Variants in MAPKBP1 observed in about 807,000 individuals in gnomAD.
The protein encoded by MAPKBP1 is mitogen-activated protein kinase-binding protein 1.
In MAPKBP1, 71 loss-of-function variants were observed where a neutral mutation model predicts 170.5. The ratio of observed to expected loss-of-function variants is 0.42; its 90% CI spans 0.34 to 0.51. The LOEUF (loss-of-function observed/expected upper bound fraction) is 0.51, where lower values mean the gene tolerates loss of function less well. Among genes scored for constraint, MAPKBP1 ranks in the 20% least tolerant of loss-of-function variants. The probability of loss-of-function intolerance (pLI) is 0.06; values close to 1 mark genes in which losing one functional copy is unlikely to be tolerated. For missense variants in MAPKBP1, 1,598 were observed against 1,933.0 expected (o/e 0.83, Z 3.25); for synonymous variants, 719 against 757.9 (o/e 0.95, Z 0.84).
intron 2 of MAPKBP1, among the ~76,000 whole-genome samples, chr15:41,795,370 A>G (rs568792666): frequency 9.9e-5 from 15 of 152,106 alleles, no homozygotes; most frequent in Middle Eastern, 3.4e-3. Context: ...TGAGGCTACA[A>G]TTGGCTTAAG....
chr15:41,811,645 A>G (rs2064808703), intron 5 of MAPKBP1: 1 of 625,314 alleles, frequency 1.6e-6, no homozygotes, highest in Admixed American at 2.1e-5. Flanking sequence ...TACTAGGGGC[A>G]GAAATAGACC....
In MAPKBP1 at chr15:41,813,627, G is replaced by A. The variant is rs1203057861; in HGVS notation, c.826G>A (p.Val276Met). The A allele has an allele frequency of 1.9e-6, 3 of 1,613,946 alleles. No individual in the cohort carries two copies. In the Admixed American group the frequency reaches 5.0e-5, roughly 27 times the overall value. ...TGAGCCACTCTGCCCACAGACCACAGTGGCCCACTGCATCTCTGTGAGCCA... is the reference window on the plus strand; with the variant it reads ...TGAGCCACTCTGCCCACAGACCACAATGGCCCACTGCATCTCTGTGAGCCA... ...LDKWVELRTT[V>M]AHCISVSQDY... Residue 276 changes from valine to methionine, a missense_variant, in exon 9 of 31, where the codon GTG (valine) becomes ATG (methionine). This residue lies in a region of MAPKBP1 where 430 missense variants were observed against 617.2 expected (regional missense o/e 0.70). Coordinates refer to ENST00000457542, the MANE Select transcript of MAPKBP1 (RefSeq NM_014994.3).
intron 2 of MAPKBP1, among the ~76,000 whole-genome samples, chr15:41,792,253 A>G (rs2064409006): frequency 6.6e-6 from 1 of 151,602 alleles, no homozygotes; most frequent in African/African-American, 2.4e-5. Flanking sequence ...CCTTTATCTT[A>G]TTAAAGTGAG....
chr15:41,812,200 GACCTGCACTGCT>G (rs2064818692), intron 6 of MAPKBP1, 73 bp downstream of exon 6: 2 of 1,561,684 alleles, frequency 1.3e-6, no homozygotes, highest in Non-Finnish European at 1.8e-6. Flanking sequence ...AGAGACTGCT[GACCTGCACTGCT>G]CCATTCCACC....
intron 2 of MAPKBP1, among the ~76,000 whole-genome samples, chr15:41,782,365 C>T (rs1266839352): frequency 6.6e-6 from 1 of 151,936 alleles, no homozygotes; most frequent in Non-Finnish European, 1.5e-5. Context: ...GTAACCACTG[C>T]CCAAGTGAAA....
chr15:41,817,487 G>GCC lies in MAPKBP1; in HGVS notation c.1782+30_1782+31insCC. On this transcript the variant is annotated intron_variant, in intron 15 of 30. Transcript: ENST00000457542. This position sits in a 1 kb window ranked among gnomAD's most constrained non-coding sequence, Gnocchi z 4.2. ...AGGGCGCTGGGCTTTCCTGAGAGGG[G>GCC]CGGGACAGGGCGGGGTCTGCCATTC... The GCC allele has an allele frequency of 6.2e-7, 1 of 1,612,806 alleles. No individual in the cohort carries two copies. The highest frequency in any genetic ancestry group is 8.5e-7 in the Non-Finnish European group (1 of 1,178,812).
chr15:41,817,276 T>TA lies in MAPKBP1; in HGVS notation c.1712-112_1712-111insA, dbSNP rs1258762208. 3 of 1,296,886 alleles carry TA rather than the reference T, an allele frequency of 2.3e-6. No homozygotes were observed. In the East Asian group the frequency reaches 7.0e-5, roughly 30 times the overall value. The allele number at this position is 1,296,886 out of a possible 1,614,324, so 80.3% of individuals were successfully genotyped here. A position where few individuals can be genotyped will look rare whatever the true frequency, so the allele number is the denominator to read the frequency against. On this transcript the variant is annotated intron_variant, in intron 14 of 30. Transcript: ENST00000457542. The surrounding 1 kb of genome is among the most constrained non-coding windows in gnomAD (Gnocchi z 4.2). ...GTTTCCAGGTTTAATTTAGTTGGTT[T>TA]TCCCTGGCATGTAGAGTAGCTTGAT... is the stretch of plus-strand genomic sequence containing the variant.
chr15:41,784,368 C>T (rs932311046), intron 2 of MAPKBP1, among the ~76,000 whole-genome samples: 9 of 151,796 alleles, frequency 5.9e-5, no homozygotes, highest in Non-Finnish European at 1.3e-4. Context: ...GAGCTGGACA[C>T]AGTGGCTTGG....
In MAPKBP1 at chr15:41,803,434, A is replaced by AG. The variant is rs747734095; in HGVS notation, c.206+3520_206+3521insG. Among the ~76,000 whole-genome samples the AG allele has an allele frequency of 3.2e-3, 290 of 90,762 alleles. 41 individuals are homozygous for AG. The highest frequency in any genetic ancestry group is 6.2e-3 in the East Asian group (13 of 2,090). 59.5% of individuals were successfully genotyped at this position (90,762 alleles called of 152,430 possible). On this transcript the variant is annotated intron_variant, in intron 3 of 30. Transcript: ENST00000457542. ...ATCTCAAAAAAAAAAAAAAAAAAAAAAGGTTAAGCAGGCAGGGTGCAGTGG... is the reference window on the plus strand; with the variant it reads ...ATCTCAAAAAAAAAAAAAAAAAAAAAGAGGTTAAGCAGGCAGGGTGCAGTGG...
intron 2 of MAPKBP1, among the ~76,000 whole-genome samples, chr15:41,795,425 A>AGGCG (rs1555449387): frequency 6.6e-6 from 1 of 151,818 alleles, no homozygotes; most frequent in African/African-American, 2.4e-5. Flanking sequence ...GAGTGAGTGA[A>AGGCG]GGGGAGGGTG....
chr15:41,812,788 G>C (rs551596704), intron 7 of MAPKBP1, 131 bp from the exon 8 acceptor site: 734 of 1,439,668 alleles, frequency 5.1e-4, no homozygotes, highest in Non-Finnish European at 6.4e-4. Flanking sequence ...TGAGCCAGAT[G>C]CTGTCTGGGC....
intron 3 of MAPKBP1, among the ~76,000 whole-genome samples, chr15:41,809,017 GATGGTGCC>G (rs1258712374): frequency 5.5e-4 from 80 of 146,488 alleles, no homozygotes; most frequent in African/African-American, 2.0e-3. Context: ...AGGGAGCTGT[GATGGTGCC>G]ATGGTGCCAC....
rs1459513202 is a variant in MAPKBP1 at position 41,825,014 on chromosome 15, A to G, written c.4300-195A>G. On this transcript the variant is annotated intron_variant, in intron 30 of 30. Coordinates refer to ENST00000457542, the MANE Select transcript of MAPKBP1 (RefSeq NM_014994.3). ...CTTATAAGATGTAGACGGTTCTGCA[A>G]TCCAATGGGTTCCTCCTTGGGCGTC... is the stretch of plus-strand genomic sequence containing the variant. 1.6e-5 allele frequency: 9 copies of G among 556,298 alleles called. No individual in the cohort carries two copies. In the East Asian group the frequency reaches 2.4e-4, roughly 15 times the overall value. The allele number at this position is 556,298 out of a possible 1,614,324, so 34.5% of individuals were successfully genotyped here.
intron 2 of MAPKBP1, among the ~76,000 whole-genome samples, chr15:41,796,607 C>G (rs187852315): frequency 5.9e-5 from 9 of 152,138 alleles, no homozygotes; most frequent in Admixed American, 1.3e-4. Context: ...ACTGCTTTTC[C>G]CCCCCCTTGG....
At chr15:41,812,437 T>C in intron 6 of MAPKBP1, 79 bp from the exon 7 acceptor site, 1 of 1,570,420 alleles carries the variant, frequency 6.4e-7, no homozygotes, top group Non-Finnish European at 8.8e-7. Flanking sequence ...CAAATTCTAA[T>C]TCTCCTCCAT....
chr15:41,823,064 C>A lies in MAPKBP1; in HGVS notation c.3440C>A (p.Pro1147Gln). ...CCTGGAGCACCCCCGGAGGTGGAACCGTCCTCTGGCAACCCCAGCCCCCAG... is the reference window on the plus strand; with the variant it reads ...CCTGGAGCACCCCCGGAGGTGGAACAGTCCTCTGGCAACCCCAGCCCCCAG... ...NPPGAPPEVE[P>Q]SSGNPSPQQA... is the part of the protein sequence containing the mutation. The change falls in exon 28 of 31, where the codon CCG (proline) becomes CAG (glutamine). Residue 1147 changes from proline (P) to glutamine (Q), a missense_variant. This residue lies in a region of MAPKBP1 where 942 missense variants were observed against 953.2 expected (regional missense o/e 0.99). Coordinates refer to ENST00000457542, the MANE Select transcript of MAPKBP1 (RefSeq NM_014994.3). 1 of 1,613,724 alleles carries A rather than the reference C, an allele frequency of 6.2e-7. No homozygotes were observed. The highest frequency in any genetic ancestry group is 1.7e-5 in the Admixed American group (1 of 60,014).
At chr15:41,819,557 G>GGGGGGGCCCCCCCCCCCCCCCCCCCCCC in intron 21 of MAPKBP1, 38 bp from the exon 22 acceptor site, 1 of 1,384,686 alleles carries the variant, frequency 7.2e-7, no homozygotes. Context: ...CGGGGGGGGG[G>GGGGGGGCCCCCCCCCCCCCCCCCCCCCC]CAGGAGACAC....
intron 2 of MAPKBP1, among the ~76,000 whole-genome samples, chr15:41,786,777 A>ATATATATATATATATATATATAT (rs1555448144): frequency 9.2e-5 from 3 of 32,440 alleles, no homozygotes; most frequent in Admixed American, 3.9e-4. Flanking sequence ...AAAAAAAAAA[A>ATATATATATATATATATATATAT]ATATATATAT....
chr15:41,802,632 C>A (rs1387537728), intron 3 of MAPKBP1, among the ~76,000 whole-genome samples: 1 of 152,142 alleles, frequency 6.6e-6, no homozygotes, highest in Non-Finnish European at 1.5e-5. Flanking sequence ...TGCCACCACG[C>A]CTGGCTAATT....
Sources: gnomAD v4.1 joint callset for allele counts (sites outside exome capture counted in the v4.1 genomes callset) on GRCh38, gnomAD v4.1.1 for gene constraint, gnomAD v4.1.1 regional missense constraint, Gnocchi (gnomAD v3.1) non-coding constraint, MANE v1.5 for transcripts, NCBI Gene and HGNC (gene_info 2026-07-23, HGNC 2026-07-21) for gene names.